The following TRPV2 variants were observed in gnomAD, a reference collection of about 807,000 sequenced individuals.
TRPV2 encodes the protein transient receptor potential cation channel subfamily V member 2.
A neutral mutation model predicts 91.0 loss-of-function variants in TRPV2; 58 were observed. The ratio of observed to expected loss-of-function variants is 0.64; its 90% confidence interval spans 0.52 to 0.79. The LOEUF (loss-of-function observed/expected upper bound fraction) is 0.79. Ranked by LOEUF, TRPV2 falls within the 30% of genes least tolerant of loss-of-function variation. TRPV2 has a pLI of 0.00. For synonymous variants in TRPV2, 417 were observed against 414.8 expected, an observed-to-expected ratio of 1.01 and a Z score of -0.06; for missense variants, 807 against 969.6, an observed-to-expected ratio of 0.83 and a Z score of 2.23.
intron 12 of TRPV2, 87 bp from the exon 13 acceptor site, chr17:16,433,487 G>A (rs1271570874): frequency 5.0e-5 from 77 of 1,542,438 alleles, no homozygotes; most frequent in Non-Finnish European, 6.3e-5. Flanking sequence ...AGTGCTGCGC[G>A]GCACTTCCCT....
chr17:16,431,293 T>TATATATATATA (rs1568919199), intron 10 of TRPV2, among the ~76,000 whole-genome samples: 1 of 44,990 alleles, frequency 2.2e-5, no homozygotes, highest in African/African-American at 1.5e-4. Context: ...ATATACATAT[T>TATATATATATA]TTTTTTTTTT....
intron 10 of TRPV2, among the ~76,000 whole-genome samples, chr17:16,430,894 A>G (rs1326742072): frequency 6.6e-6 from 1 of 152,066 alleles, no homozygotes; most frequent in Non-Finnish European, 1.5e-5. Context: ...CCTTTTGACC[A>G]TTGTGAATAA....
intron 1 of TRPV2, chr17:16,416,706 C>T (rs1296430627): frequency 1.3e-5 from 2 of 152,240 alleles, no homozygotes; most frequent in East Asian, 1.9e-4. Context: ...GGAAGAGGAA[C>T]GTCATGGTAG....
At chr17:16,427,649 C>G (rs2093390072) in intron 8 of TRPV2, 102 bp downstream of exon 8, 15 of 1,133,830 alleles carry the variant, frequency 1.3e-5, no homozygotes, top group Middle Eastern at 4.1e-4. Context: ...AATACCCAGT[C>G]CCACCCAGAG....
At chr17:16,432,327 C>T (rs201763189) in intron 12 of TRPV2, 27 bp downstream of exon 12, 27 of 1,573,580 alleles carry the variant, frequency 1.7e-5, no homozygotes, top group South Asian at 7.0e-5. Flanking sequence ...TCCCTGCCCC[C>T]ACCCCACCCC....
intron 13 of TRPV2, chr17:16,434,654 T>A: frequency 2.1e-6 from 1 of 483,940 alleles, no homozygotes; most frequent in Non-Finnish European, 3.6e-6. Context: ...CAGGCTGCTG[T>A]GAACAGCCAG....
chr17:16,436,147 C>T (rs910970831), intron 14 of TRPV2, among the ~76,000 whole-genome samples: 3 of 152,160 alleles, frequency 2.0e-5, no homozygotes, highest in African/African-American at 4.8e-5. Flanking sequence ...ACCCCTCAGG[C>T]GGCCACTCAT....
intron 13 of TRPV2, among the ~76,000 whole-genome samples, chr17:16,434,501 A>G (rs1466307230): frequency 6.6e-6 from 1 of 151,884 alleles, no homozygotes; most frequent in South Asian, 2.1e-4. Context: ...AACAGCAACA[A>G]AAAAAACAGA....
rs768687169 is a variant in TRPV2, at chr17:16,423,679, G to A, written c.836G>A (p.Arg279His). ...MYDGLLQAGA[R>H]LCPTVQLEDI... ...GATGGGCTCCTCCAAGCTGGGGCCCGCCTCTGCCCTACCGTGCAGCTTGAG... is the reference window on the plus strand; with the variant it reads ...GATGGGCTCCTCCAAGCTGGGGCCCACCTCTGCCCTACCGTGCAGCTTGAG... The change falls in exon 5 of 15, where the codon CGC becomes CAC. Residue 279 changes from arginine to histidine, a missense_variant. Transcript: ENST00000338560. 5.6e-6 allele frequency: 9 copies of A among 1,614,072 alleles called. No homozygotes were observed. Among genetic ancestry groups the A allele is most frequent in the Middle Eastern group, 3.3e-4 (2 of 6,060 alleles).
intron 1 of TRPV2, 106 bp from the exon 2 acceptor site, chr17:16,417,456 C>G (rs1321561606): frequency 2.0e-6 from 1 of 505,362 alleles, no homozygotes; most frequent in East Asian, 3.6e-5. Flanking sequence ...GTTGGTCAGG[C>G]TGGTCTCTAA....
intron 5 of TRPV2, among the ~76,000 whole-genome samples, 169 bp downstream of exon 5, chr17:16,423,936 C>G (rs6502504): frequency 0.6 from 91,963 of 152,138 alleles, 28,451 homozygotes; most frequent in Non-Finnish European, 0.67. Context: ...TGATATATTT[C>G]TGTTTATTTA....
In TRPV2 at chr17:16,434,330, T is replaced by C. The variant is rs554511675; in HGVS notation, c.2115-560T>C. ...AAAAATACAAAAAAGTAGCCGGGCG[T>C]GGTGGCGGGCGCCTGTAGTCCCAGC... On this transcript the variant is annotated intron_variant, in intron 13 of 14. Coordinates refer to ENST00000338560, the MANE Select transcript of TRPV2 (RefSeq NM_016113.5). Among the ~76,000 whole-genome samples the C allele has an allele frequency of 3.1e-4, 47 of 151,176 alleles. 1 individual carries two copies. The highest frequency in any genetic ancestry group is 1.3e-3 in the South Asian group (6 of 4,788).
intron 5 of TRPV2, 134 bp from the exon 6 acceptor site, chr17:16,425,964 TG>T (rs1437452120): frequency 7.9e-6 from 7 of 883,540 alleles, no homozygotes; most frequent in Non-Finnish European, 8.9e-6. Context: ...CCTGCGTGTA[TG>T]GGGGTACGTG....
Position 16,428,957 on chromosome 17 carries a change from G to T in TRPV2, c.1562G>T (p.Gly521Val). ...LYYTRGFQHT[G>V]IYSVMIQKVI... ...TATACACGTGGCTTCCAGCACACAG[G>T]CATCTACAGTGTCATGATCCAGAAG... The change falls in exon 10 of 15, where the codon GGC becomes GTC. Residue 521 changes from glycine (G) to valine (V), a missense_variant. Physicochemically the swap from Gly to Val is moderately radical, Grantham distance 109 (BLOSUM62 -3). Coordinates refer to ENST00000338560, the MANE Select transcript of TRPV2 (RefSeq NM_016113.5). 6.2e-7 allele frequency: 1 copy of T among 1,614,206 alleles called. No individual in the cohort carries two copies. Among genetic ancestry groups the T allele is most frequent in the Non-Finnish European group, 8.5e-7 (1 of 1,180,038 alleles).
chr17:16,428,133 G>C (rs1318634352), intron 8 of TRPV2, among the ~76,000 whole-genome samples, 184 bp from the exon 9 acceptor site: 1 of 152,220 alleles, frequency 6.6e-6, no homozygotes, highest in Non-Finnish European at 1.5e-5. Flanking sequence ...CCTTGCCTAG[G>C]TGGCTGCTCT....
At chr17:16,429,012 CTT>C in intron 10 of TRPV2, 30 bp downstream of exon 10, 1 of 1,612,012 alleles carries the variant, frequency 6.2e-7, no homozygotes, top group South Asian at 1.1e-5. Context: ...CACCGGGACT[CTT>C]TTGGCCTCAT....
rs1396996009 is a variant in TRPV2, at chr17:16,427,531, ACCTCCTCGTGGGCCAGGTGAGTGCC to A, written c.1340_1350+14del. 1 of 1,611,880 alleles carries A rather than the reference ACCTCCTCGTGGGCCAGGTGAGTGCC, an allele frequency of 6.2e-7. No homozygotes were observed. The highest frequency in any genetic ancestry group is 8.5e-7 in the Non-Finnish European group (1 of 1,178,710). ...ATCCTTATCCTGCTAGGGGGGATCT[ACCTCCTCGTGGGCCAGGTGAGTGCC>A]CCTCCCCTTCTCCTACCAAGAAGCA... On this transcript the variant is annotated splice_donor_variant and splice_donor_5th_base_variant and coding_sequence_variant and intron_variant, in exon 8 of 15. Transcript: ENST00000338560. LOFTEE classifies it high-confidence loss of function.
At chr17:16,434,305 A>T (rs2093425930) in intron 13 of TRPV2, among the ~76,000 whole-genome samples, 1 of 152,034 alleles carries the variant, frequency 6.6e-6, no homozygotes, top group South Asian at 2.1e-4. Context: ...CATCTCTACT[A>T]AAAATACAAA....
At position 16,435,612 on chromosome 17, in the gene TRPV2, C is replaced by T. The variant is rs1382321765; in HGVS notation, c.2194+643C>T. On this transcript the variant is annotated intron_variant, in intron 14 of 14. Transcript: ENST00000338560. This position sits in a 1 kb window ranked among gnomAD's most constrained non-coding sequence, Gnocchi z 4.2. ...GCCTGTTCTGAGGATTAGCTGTCCCCACTGCATACCCTTTCTTTCTAGAAC... is the reference window on the plus strand; with the variant it reads ...GCCTGTTCTGAGGATTAGCTGTCCCTACTGCATACCCTTTCTTTCTAGAAC... Among the ~76,000 whole-genome samples, 5 of 152,256 alleles carry T rather than the reference C, an allele frequency of 3.3e-5. No individual in the cohort carries two copies. In the East Asian group the frequency reaches 9.6e-4, roughly 29 times the overall value.
Sources: gnomAD v4.1 joint callset for allele counts (sites outside exome capture counted in the v4.1 genomes callset) on GRCh38, gnomAD v4.1.1 for gene constraint, Gnocchi (gnomAD v3.1) non-coding constraint, MANE v1.5 for transcripts, NCBI Gene and HGNC (gene_info 2026-07-23, HGNC 2026-07-21) for gene names.